OTUD3: variants seen among roughly 807,000 people sequenced by gnomAD.
The protein encoded by OTUD3 is OTU deubiquitinase 3.
OTUD3 carries 24 observed loss-of-function variants against 46.2 expected under a neutral mutation model. That is an observed-to-expected ratio of 0.52 (90% confidence interval 0.38 to 0.73). The LOEUF (loss-of-function observed/expected upper bound fraction) is 0.73. Ranked by LOEUF, OTUD3 falls within the 30% of genes least tolerant of loss-of-function variation. The probability of loss-of-function intolerance (pLI) is 0.00; values close to 1 mark genes in which losing one functional copy is unlikely to be tolerated. For synonymous variants in OTUD3, 189 were observed against 195.4 expected, an observed-to-expected ratio of 0.97 and a Z score of 0.27; for missense variants, 455 against 523.3, an observed-to-expected ratio of 0.87 and a Z score of 1.27.
chr1:19,892,938 C>T (rs1358580839), intron 2 of OTUD3, among the ~76,000 whole-genome samples: 1 of 152,088 alleles, frequency 6.6e-6, no homozygotes, highest in African/African-American at 2.4e-5. Context: ...TTGCCATTCC[C>T]CCCAACATTT....
chr1:19,889,590 T>G (rs758599713), intron 1 of OTUD3, among the ~76,000 whole-genome samples: 16 of 152,274 alleles, frequency 1.1e-4, no homozygotes, highest in Non-Finnish European at 2.2e-4. Flanking sequence ...TCTCTGTGTA[T>G]CTAAGCCTCT....
Position 19,907,929 on chromosome 1 carries a change from T to C in OTUD3, c.*183T>C. 1 of 512,586 alleles carries C rather than the reference T, an allele frequency of 2.0e-6. No individual in the cohort carries two copies. The highest frequency in any genetic ancestry group is 3.4e-6 in the Non-Finnish European group (1 of 292,934). 31.8% of individuals were successfully genotyped at this position (512,586 alleles called of 1,614,324 possible). A position where few individuals can be genotyped will look rare whatever the true frequency, so the allele number is the denominator to read the frequency against. Reference sequence around the variant, plus strand: ...TTTGTTCGAAGTTTTATTAGTGATATGTTGGTGTTTTATGAAAATGCAGTG... The same window carrying C: ...TTTGTTCGAAGTTTTATTAGTGATACGTTGGTGTTTTATGAAAATGCAGTG... On this transcript the variant is annotated 3_prime_UTR_variant, in exon 8 of 8. Coordinates refer to ENST00000375120, the MANE Select transcript of OTUD3 (RefSeq NM_015207.2).
Position 19,907,805 on chromosome 1 carries a change from C to T in OTUD3, c.*59C>T. On this transcript the variant is annotated 3_prime_UTR_variant, in exon 8 of 8. Transcript: ENST00000375120. ...TGGAAAAGGATTGCTGTGTGCTAGA[C>T]TTTCCAGTGAGGCCGTCCTTTTATA... 29 of 1,521,464 alleles carry T rather than the reference C, an allele frequency of 1.9e-5. No homozygotes were observed. The highest frequency in any genetic ancestry group is 2.4e-5 in the Non-Finnish European group (27 of 1,108,896). The allele number at this position is 1,521,464 out of a possible 1,614,324, so 94.2% of individuals were successfully genotyped here. A position where few individuals can be genotyped will look rare whatever the true frequency, so the allele number is the denominator to read the frequency against.
At chr1:19,889,290 C>CA (rs202060582) in intron 1 of OTUD3, among the ~76,000 whole-genome samples, 16,834 of 137,866 alleles carry the variant, frequency 0.12, 1,017 homozygotes, top group Admixed American at 0.16. Context: ...CCCTCCCCTG[C>CA]AAAAAAAAAA....
chr1:19,904,350 T>C lies in OTUD3; in HGVS notation c.690T>C (p.Asp230=), dbSNP rs2100314541. The change falls in exon 5 of 8, where the codon GAT becomes GAC. Residue 230 remains aspartate (D), a synonymous_variant. Coordinates refer to ENST00000375120, the MANE Select transcript of OTUD3 (RefSeq NM_015207.2). ...TGGACTCTGAAGACGACCTGAGAGA[T>C]GAAGTAGAGGATGCTGTCCAGAAAG... ...KGMDSEDDLR[D]EVEDAVQKVC... 6.2e-7 allele frequency: 1 copy of C among 1,612,980 alleles called. No homozygotes were observed. Among genetic ancestry groups the C allele is most frequent in the Non-Finnish European group, 8.5e-7 (1 of 1,179,308 alleles).
intron 2 of OTUD3, among the ~76,000 whole-genome samples, chr1:19,892,098 A>C (rs1274603495): frequency 1.3e-5 from 2 of 152,194 alleles, no homozygotes; most frequent in Non-Finnish European, 2.9e-5. Context: ...AGGGAACTCA[A>C]ATCTTCGGTT....
intron 3 of OTUD3, among the ~76,000 whole-genome samples, chr1:19,897,207 C>G (rs1321994590): frequency 6.6e-6 from 1 of 152,068 alleles, no homozygotes; most frequent in African/African-American, 2.4e-5. Context: ...CTGGGCCTTC[C>G]CCTTGGAAGG....
chr1:19,891,521 A>G (rs1211088845), intron 2 of OTUD3, among the ~76,000 whole-genome samples: 2 of 152,188 alleles, frequency 1.3e-5, no homozygotes, highest in Non-Finnish European at 2.9e-5. Flanking sequence ...GGAGGTCTCC[A>G]TCAAGGTAGC....
At position 19,911,477 on chromosome 1, in the gene OTUD3, C is replaced by T. The variant is rs936421834; in HGVS notation, c.*3731C>T. 1 of 151,358 alleles carries T rather than the reference C, an allele frequency of 6.6e-6. No homozygotes were observed. The highest frequency in any genetic ancestry group is 1.5e-5 in the Non-Finnish European group (1 of 67,986). The allele number at this position is 151,358 out of a possible 1,614,324, so 9.4% of individuals were successfully genotyped here. On this transcript the variant is annotated 3_prime_UTR_variant, in exon 8 of 8. Transcript: ENST00000375120. ...CAATCTCGGCTCACTGCAACCTCCA[C>T]CTCCCGGGTTCAAGCGATTCTCCTG...
chr1:19,893,761 C>T (rs1053883869), intron 2 of OTUD3, among the ~76,000 whole-genome samples: 1 of 152,232 alleles, frequency 6.6e-6, no homozygotes, highest in Non-Finnish European at 1.5e-5. Flanking sequence ...CAAATTCTTA[C>T]TGCACATGCC....
intron 4 of OTUD3, among the ~76,000 whole-genome samples, chr1:19,903,061 T>G (rs2045612422): frequency 6.8e-6 from 1 of 147,522 alleles, no homozygotes; most frequent in Non-Finnish European, 1.5e-5. Flanking sequence ...TTTTTTTTTT[T>G]TTTTGAGACA....
At chr1:19,893,135 C>T (rs774474529) in intron 2 of OTUD3, among the ~76,000 whole-genome samples, 1 of 152,190 alleles carries the variant, frequency 6.6e-6, no homozygotes, top group Non-Finnish European at 1.5e-5. Flanking sequence ...CACCTTACCT[C>T]CCGCTCCTCA....
chr1:19,887,908 A>G (rs1274920744), intron 1 of OTUD3, among the ~76,000 whole-genome samples: 1 of 152,232 alleles, frequency 6.6e-6, no homozygotes, highest in Non-Finnish European at 1.5e-5. Context: ...TCTAGAGAGC[A>G]CGTTAGGTTT....
chr1:19,904,324 A>G lies in OTUD3; in HGVS notation c.664A>G (p.Met222Val), dbSNP rs749998612. Residue 222 changes from methionine (M) to valine (V), a missense_variant, in exon 5 of 8, where the codon ATG becomes GTG. Physicochemically the swap from Met to Val is conservative, Grantham distance 21. Coordinates refer to ENST00000375120, the MANE Select transcript of OTUD3 (RefSeq NM_015207.2). ...NKREKIKTKG[M>V]DSEDDLRDEV... ...AAGAGAAAAGATCAAGACAAAGGGAATGGACTCTGAAGACGACCTGAGAGA... is the reference window on the plus strand; with the variant it reads ...AAGAGAAAAGATCAAGACAAAGGGAGTGGACTCTGAAGACGACCTGAGAGA... The G allele has an allele frequency of 1.7e-5, 28 of 1,612,130 alleles. No homozygotes were observed. Among genetic ancestry groups the G allele is most frequent in the Middle Eastern group, 1.6e-4 (1 of 6,082 alleles).
chr1:19,885,099 G>A (rs1005524029), intron 1 of OTUD3, among the ~76,000 whole-genome samples: 1 of 152,062 alleles, frequency 6.6e-6, no homozygotes, highest in Admixed American at 6.6e-5. Flanking sequence ...ACAAGGACAC[G>A]ATGTTTTTGG....
intron 7 of OTUD3, among the ~76,000 whole-genome samples, chr1:19,907,195 C>T (rs1426018731): frequency 6.6e-6 from 1 of 152,058 alleles, no homozygotes; most frequent in Admixed American, 6.6e-5. Context: ...CTCAAAATGC[C>T]ACAGTGTAAA....
At chr1:19,883,779 C>G (rs2045314048) in intron 1 of OTUD3, among the ~76,000 whole-genome samples, 1 of 152,154 alleles carries the variant, frequency 6.6e-6, no homozygotes, top group Admixed American at 6.5e-5. Flanking sequence ...CCACCCCCGG[C>G]CAGGAATTGC....
chr1:19,899,231 C>T (rs993313009), intron 4 of OTUD3, among the ~76,000 whole-genome samples: 1 of 152,300 alleles, frequency 6.6e-6, no homozygotes, highest in East Asian at 1.9e-4. Flanking sequence ...TCCCTGGATG[C>T]AATCAGTGGT....
chr1:19,890,985 C>T (rs61769070), intron 2 of OTUD3, among the ~76,000 whole-genome samples: 11,574 of 152,252 alleles, frequency 0.076, 604 homozygotes, highest in African/African-American at 0.15. Context: ...ATCTATCTCA[C>T]AGGGTTTTTG....
Sources: gnomAD v4.1 joint callset for allele counts (sites outside exome capture counted in the v4.1 genomes callset) on GRCh38, gnomAD v4.1.1 for gene constraint, MANE v1.5 for transcripts, NCBI Gene and HGNC (gene_info 2026-07-23, HGNC 2026-07-21) for gene names.